E4F1: variants seen among roughly 807,000 people sequenced by gnomAD.
The protein encoded by E4F1 is E4F transcription factor 1, also known as transcription factor E4F1.
Under a neutral mutation model 72.9 loss-of-function variants are expected in E4F1, and 30 were observed. The observed-to-expected ratio is 0.41, with a 90% CI of 0.31 to 0.56. The LOEUF is 0.56. Ranked by LOEUF, E4F1 falls within the 20% of genes least tolerant of loss-of-function variation. E4F1 has a pLI of 0.25. For synonymous variants in E4F1, 542 were observed against 478.2 expected, an observed-to-expected ratio of 1.13 and a Z score of -1.74; for missense variants, 1,091 against 1,117.5, an observed-to-expected ratio of 0.98 and a Z score of 0.34.
At chr16:2,223,819 C>G (rs771408875) in intron 1 of E4F1, 49 bp downstream of exon 1, 23 of 1,534,378 alleles carry the variant, frequency 1.5e-5, no homozygotes, top group Admixed American at 2.0e-5. Context: ...GCAGTTCATC[C>G]CGGGCTGGCA....
Position 2,224,600 on chromosome 16 carries a change from C to T in E4F1, c.157+830C>T, listed in dbSNP as rs901270979. Among the ~76,000 whole-genome samples the T allele has an allele frequency of 2.6e-5, 4 of 151,876 alleles. No homozygotes were observed. The South Asian group carries it at 6.2e-4, about 24-fold the overall frequency. The stretch of plus-strand genomic sequence containing the variant: ...GTCAGGAGATGGAGACCATCCTGGC[C>T]AACATGGTGAAACCCGTCTCTACTA... On this transcript the variant is annotated intron_variant, in intron 1 of 13. Transcript: ENST00000301727.
chr16:2,230,033 C>G (rs1489772210), intron 3 of E4F1: 2 of 286,608 alleles, frequency 7.0e-6, no homozygotes, highest in Admixed American at 4.1e-5. Flanking sequence ...CAACATCCAC[C>G]AGGCACCCAC....
rs745711025 is a variant in E4F1 at position 2,235,424 on chromosome 16, T to C, written c.2207T>C (p.Val736Ala). ...GCCTCGGCCATCAGCGAGGGCACTGTGCTTGCCGCCCGGGCAGGGACAAGT... is the reference window on the plus strand; with the variant it reads ...GCCTCGGCCATCAGCGAGGGCACTGCGCTTGCCGCCCGGGCAGGGACAAGT... Reference protein sequence around the residue: ...TLASAISEGTVLAARAGTSGT... With the variant: ...TLASAISEGTALAARAGTSGT... The change falls in exon 14 of 14, where the codon GTG (valine) becomes GCG (alanine). Residue 736 changes from valine (V) to alanine (A), a missense_variant. Physicochemically the swap from Val to Ala is moderately conservative, Grantham distance 64. Transcript: ENST00000301727. 1.2e-6 allele frequency: 2 copies of C among 1,612,290 alleles called. No homozygotes were observed. Among genetic ancestry groups the C allele is most frequent in the Non-Finnish European group, 1.7e-6 (2 of 1,179,876 alleles).
Position 2,234,358 on chromosome 16 carries a change from T to G in E4F1, c.1563T>G (p.Cys521Trp). The stretch of plus-strand genomic sequence containing the variant: ...ACTCAGACGAGCGGCCCTACCCTTG[T>G]CCCAAGTGTGGCAAGCGCTACAAGA... ...RVHSDERPYP[C>W]PKCGKRYKTK... Residue 521 changes from cysteine to tryptophan, a missense_variant, in exon 10 of 14, where the codon TGT (cysteine) becomes TGG (tryptophan). By Grantham distance (215) the Cys-to-Trp change is radical. Coordinates refer to ENST00000301727, the MANE Select transcript of E4F1 (RefSeq NM_004424.5). 2 of 1,612,936 alleles carry G rather than the reference T, an allele frequency of 1.2e-6. No homozygotes were observed. The highest frequency in any genetic ancestry group is 1.7e-6 in the Non-Finnish European group (2 of 1,179,974).
chr16:2,233,842 GC>G (rs1461821237), intron 8 of E4F1, 39 bp from the exon 9 acceptor site: 3 of 1,520,578 alleles, frequency 2.0e-6, no homozygotes, highest in Non-Finnish European at 2.7e-6. Flanking sequence ...CCAGGGCACA[GC>G]CTGCCCCGGG....
At chr16:2,234,427 C>T (rs995504503) in intron 10 of E4F1, 39 bp downstream of exon 10, 4 of 1,606,446 alleles carry the variant, frequency 2.5e-6, no homozygotes, top group African/African-American at 1.3e-5. Flanking sequence ...CCTGATCCCC[C>T]CATCCTGCTC....
chr16:2,224,011 G>C (rs1308183289), intron 1 of E4F1: 1 of 1,432,706 alleles, frequency 7.0e-7, no homozygotes, highest in Non-Finnish European at 9.2e-7. Flanking sequence ...GTGCTCGCGG[G>C]TTGCTGAGCC....
intron 3 of E4F1, chr16:2,231,338 C>T (rs910004458): frequency 2.0e-5 from 3 of 152,334 alleles, no homozygotes; most frequent in South Asian, 2.1e-4. Context: ...CCATCAGAGG[C>T]CTCTGTCCTT....
intron 7 of E4F1, 72 bp from the exon 8 acceptor site, chr16:2,233,366 G>T: frequency 6.9e-7 from 1 of 1,442,326 alleles, no homozygotes; most frequent in Non-Finnish European, 9.1e-7. Flanking sequence ...CTCCTGGCGT[G>T]CGTCTGCCCC....
chr16:2,231,945 C>T (rs901628129), intron 3 of E4F1: 7 of 584,762 alleles, frequency 1.2e-5, no homozygotes, highest in Non-Finnish European at 2.1e-5. Context: ...CCTGGAGCAT[C>T]TCTGGGCAGC....
chr16:2,233,018 A>G lies in E4F1; in HGVS notation c.891A>G (p.Gly297=). 6.2e-7 allele frequency: 1 copy of G among 1,608,302 alleles called. No homozygotes were observed. Among genetic ancestry groups the G allele is most frequent in the South Asian group, 1.1e-5 (1 of 91,010 alleles). Residue 297 remains glycine, a synonymous_variant, in exon 7 of 14, where the codon GGA becomes GGG. Coordinates refer to ENST00000301727, the MANE Select transcript of E4F1 (RefSeq NM_004424.5). The part of the protein sequence containing the change: ...VSKEDARAGS[G]AGAAGLGTAT... Reference sequence around the variant, plus strand: ...CCTCACTCCACCTTGAAGGTTCTGGAGCTGGAGCTGCCGGCTTGGGGACAG... The same window carrying G: ...CCTCACTCCACCTTGAAGGTTCTGGGGCTGGAGCTGCCGGCTTGGGGACAG...
rs2093486465 is a variant in E4F1, at chr16:2,234,074, A to G, written c.1375+84A>G. The G allele has an allele frequency of 5.8e-6, 9 of 1,544,718 alleles. No individual in the cohort carries two copies. In the East Asian group the frequency reaches 7.1e-5, roughly 12 times the overall value. ...GCTTCTGGGTGTCCAGGGTGGGTCC[A>G]TAGACAGCAGGGAGCCAGGGGATCT... On this transcript the variant is annotated intron_variant, in intron 9 of 13. Coordinates refer to ENST00000301727, the MANE Select transcript of E4F1 (RefSeq NM_004424.5).
At chr16:2,223,980 C>T in intron 1 of E4F1, 8 of 1,501,522 alleles carry the variant, frequency 5.3e-6, no homozygotes, top group South Asian at 2.5e-5. Context: ...GTCATCCCCC[C>T]TCTCTGGTGT....
In E4F1 at chr16:2,225,810, A is replaced by AT. The variant is rs200374361; in HGVS notation, c.157+2040_157+2041insT. 6.5e-3 allele frequency among the ~76,000 whole-genome samples: 969 copies of AT among 149,712 alleles called. 19 individuals carry two copies. The highest frequency in any genetic ancestry group is 0.023 in the African/African-American group (915 of 39,886). On this transcript the variant is annotated intron_variant, in intron 1 of 13. Transcript: ENST00000301727. ...GTTTAGGAAAAAAAAAAAAAAAAAAAAAAGGCTGGGCGCAATGGCTCGCGC... is the reference window on the plus strand; with the variant it reads ...GTTTAGGAAAAAAAAAAAAAAAAAAATAAAGGCTGGGCGCAATGGCTCGCGC...
rs373113928 is a variant in E4F1 at position 2,234,402 on chromosome 16, C to T, written c.1593+14C>T. 28 of 1,612,108 alleles carry T rather than the reference C, an allele frequency of 1.7e-5. No individual in the cohort carries two copies. Among genetic ancestry groups the T allele is most frequent in the East Asian group, 6.7e-5 (3 of 44,882 alleles). On this transcript the variant is annotated intron_variant, in intron 10 of 13. Coordinates refer to ENST00000301727, the MANE Select transcript of E4F1 (RefSeq NM_004424.5). Reference sequence around the variant, plus strand: ...TACAAGACTAAGGTGGGTCTCTGGCCGCAGGACCCTGGCGCCTGATCCCCC... The same window carrying T: ...TACAAGACTAAGGTGGGTCTCTGGCTGCAGGACCCTGGCGCCTGATCCCCC...
intron 5 of E4F1, 29 bp from the exon 6 acceptor site, chr16:2,232,727 G>T (rs780070482): frequency 3.1e-6 from 5 of 1,612,032 alleles, no homozygotes; most frequent in Non-Finnish European, 4.2e-6. Flanking sequence ...TGCTGGGGCT[G>T]CCCGGGGCTG....
chr16:2,233,964 T>C lies in E4F1; in HGVS notation c.1349T>C (p.Leu450Pro). 1.3e-6 allele frequency: 2 copies of C among 1,598,232 alleles called. No homozygotes were observed. The highest frequency in any genetic ancestry group is 2.3e-5 in the East Asian group (1 of 44,096). ...GAGACCTTCCCGACAGCAGCCACCC[T>C]GGAGGCCCACAAGAGGGGCCACACC... ...CSETFPTAAT[L>P]EAHKRGHTGP... The change falls in exon 9 of 14, where the codon CTG becomes CCG. Residue 450 changes from leucine (L) to proline (P), a missense_variant. Transcript: ENST00000301727.
Position 2,233,930 on chromosome 16 carries a change from C to G in E4F1, c.1315C>G (p.Gln439Glu). 6.2e-7 allele frequency: 1 copy of G among 1,604,072 alleles called. No individual in the cohort carries two copies. Residue 439 changes from glutamine (Q) to glutamate (E), a missense_variant, in exon 9 of 14, where the codon CAG (glutamine) becomes GAG (glutamate). Gln to Glu is a conservative substitution (Grantham distance 29). Around this residue, in one of 5 missense-constraint regions of E4F1, gnomAD observed 622 missense variants for 628.0 expected, o/e 0.99. Coordinates refer to ENST00000301727, the MANE Select transcript of E4F1 (RefSeq NM_004424.5). ...SAVPRTHPCPQCSETFPTAAT... is the reference protein window; with the variant it reads ...SAVPRTHPCPECSETFPTAAT... ...GGTGCCCAGGACCCACCCATGTCCTCAGTGCAGTGAGACCTTCCCGACAGC... is the reference window on the plus strand; with the variant it reads ...GGTGCCCAGGACCCACCCATGTCCTGAGTGCAGTGAGACCTTCCCGACAGC...
chr16:2,229,701 G>C, intron 3 of E4F1, 26 bp downstream of exon 3: 2 of 1,610,504 alleles, frequency 1.2e-6, no homozygotes, highest in Non-Finnish European at 1.7e-6. Context: ...TGAATCGCTG[G>C]CCTGATAGAC....
Sources: gnomAD v4.1 joint callset for allele counts (sites outside exome capture counted in the v4.1 genomes callset) on GRCh38, gnomAD v4.1.1 for gene constraint, gnomAD v4.1.1 regional missense constraint, MANE v1.5 for transcripts, NCBI Gene and HGNC (gene_info 2026-07-23, HGNC 2026-07-21) for gene names.